The following ITGBL1 variants were observed in gnomAD, a reference collection of about 807,000 sequenced individuals.
ITGBL1 encodes the protein integrin beta-like protein 1.
ITGBL1 carries 51 observed loss-of-function variants against 68.5 expected under a neutral mutation model. The ratio of observed to expected loss-of-function variants is 0.74; its 90% confidence interval spans 0.59 to 0.94. ITGBL1 has a LOEUF of 0.94. Ranked by LOEUF, ITGBL1 falls within the 40% of genes least tolerant of loss-of-function variation. The pLI, the probability that ITGBL1 is intolerant of heterozygous loss-of-function variation, is 0.00. For missense variants in ITGBL1, 649 were observed against 647.4 expected (o/e 1.00, Z -0.03); for synonymous variants, 209 against 227.3 (o/e 0.92, Z 0.72).
intron 9 of ITGBL1, among the ~76,000 whole-genome samples, chr13:101,709,834 C>T (rs1277318104): frequency 6.6e-6 from 1 of 152,172 alleles, no homozygotes; most frequent in Non-Finnish European, 1.5e-5. Context: ...ACACACAAAG[C>T]CATACCCTCC....
chr13:101,546,186 T>C (rs914308558), intron 2 of ITGBL1, among the ~76,000 whole-genome samples: 1 of 152,144 alleles, frequency 6.6e-6, no homozygotes, highest in African/African-American at 2.4e-5. Context: ...TTTAATTCAA[T>C]AAAACTGTAA....
chr13:101,687,495 T>C (rs2033781931), intron 7 of ITGBL1, among the ~76,000 whole-genome samples: 1 of 151,996 alleles, frequency 6.6e-6, no homozygotes, highest in South Asian at 2.1e-4. Flanking sequence ...TTATAATTTG[T>C]CTATATTTTA....
intron 7 of ITGBL1, among the ~76,000 whole-genome samples, chr13:101,628,111 GT>G (rs1218791672): frequency 6.6e-6 from 1 of 152,196 alleles, no homozygotes; most frequent in Non-Finnish European, 1.5e-5. Flanking sequence ...AGTGTTGGGT[GT>G]TTTCAGTGTT....
At chr13:101,618,802 T>C (rs948975622) in intron 7 of ITGBL1, among the ~76,000 whole-genome samples, 2 of 152,182 alleles carry the variant, frequency 1.3e-5, no homozygotes, top group Admixed American at 6.5e-5. Context: ...GTTATAGTTT[T>C]ACTATGCTCT....
At position 101,632,119 on chromosome 13, in the gene ITGBL1, G is replaced by T. The variant is rs536726897; in HGVS notation, c.1015+33820G>T. Among the ~76,000 whole-genome samples the T allele has an allele frequency of 1.8e-4, 27 of 149,328 alleles. 2 individuals are homozygous for T. The South Asian group carries it at 5.3e-3, about 29-fold the overall frequency. On this transcript the variant is annotated intron_variant, in intron 7 of 10. Coordinates refer to ENST00000376180, the MANE Select transcript of ITGBL1 (RefSeq NM_004791.3). ...GAGAATGAAAAAGAAAGTCACACAT[G>T]GATAAAATATTCTCTCTCTCTCTCT... is the stretch of plus-strand genomic sequence containing the variant.
chr13:101,505,736 A>C (rs1347813220), intron 2 of ITGBL1, among the ~76,000 whole-genome samples: 1 of 150,776 alleles, frequency 6.6e-6, no homozygotes, highest in Non-Finnish European at 1.5e-5. Context: ...CTGAGAAACC[A>C]TCAATAGTCG....
At chr13:101,703,619 G>A (rs1037580379) in intron 8 of ITGBL1, among the ~76,000 whole-genome samples, 1 of 152,218 alleles carries the variant, frequency 6.6e-6, no homozygotes, top group Non-Finnish European at 1.5e-5. Context: ...GGTGATGTAA[G>A]TGGGAATGTT....
chr13:101,582,139 T>C (rs2050468403), intron 5 of ITGBL1, among the ~76,000 whole-genome samples: 1 of 152,226 alleles, frequency 6.6e-6, no homozygotes, highest in Non-Finnish European at 1.5e-5. Flanking sequence ...ATCCTTTATA[T>C]ATTCAATTCT....
intron 7 of ITGBL1, among the ~76,000 whole-genome samples, chr13:101,600,472 A>ATG (rs1453071154): frequency 2.2e-4 from 34 of 152,236 alleles, no homozygotes; most frequent in African/African-American, 8.2e-4. Context: ...TTCCAACACT[A>ATG]TGTTGAATAG....
intron 7 of ITGBL1, among the ~76,000 whole-genome samples, chr13:101,618,980 G>A (rs74450134): frequency 0.055 from 8,413 of 152,114 alleles, 290 homozygotes; most frequent in South Asian, 0.14. Context: ...GGGGGCAGGT[G>A]GGAATTGGGG....
At chr13:101,682,508 T>A (rs1190664658) in intron 7 of ITGBL1, among the ~76,000 whole-genome samples, 1 of 152,120 alleles carries the variant, frequency 6.6e-6, no homozygotes, top group Admixed American at 6.6e-5. Flanking sequence ...ATGAACACGG[T>A]AACTTTCCTA....
chr13:101,675,085 A>G (rs536137373), intron 7 of ITGBL1, among the ~76,000 whole-genome samples: 15 of 152,238 alleles, frequency 9.9e-5, no homozygotes, highest in African/African-American at 3.1e-4. Flanking sequence ...CTAATTTGAC[A>G]ATTTTTTTCA....
intron 7 of ITGBL1, among the ~76,000 whole-genome samples, chr13:101,606,366 TAG>T (rs1349385252): frequency 6.6e-6 from 1 of 151,562 alleles, no homozygotes; most frequent in African/African-American, 2.4e-5. Flanking sequence ...ATATTGGCTG[TAG>T]ATATATTTTC....
intron 2 of ITGBL1, among the ~76,000 whole-genome samples, chr13:101,484,788 G>T (rs2048677069): frequency 6.6e-6 from 1 of 151,952 alleles, no homozygotes; most frequent in Non-Finnish European, 1.5e-5. Flanking sequence ...ATTTGTGAAG[G>T]ACAGGAACTG....
At chr13:101,571,211 A>G (rs1322702734) in intron 3 of ITGBL1, among the ~76,000 whole-genome samples, 1 of 152,042 alleles carries the variant, frequency 6.6e-6, no homozygotes, top group East Asian at 1.9e-4. Context: ...GCTCAATCCT[A>G]TACTACATCT....
intron 2 of ITGBL1, among the ~76,000 whole-genome samples, chr13:101,493,982 T>C (rs992278400): frequency 6.6e-6 from 1 of 152,252 alleles, no homozygotes; most frequent in Non-Finnish European, 1.5e-5. Flanking sequence ...CAAGATCACA[T>C]ACTTAGGTTT....
chr13:101,463,109 G>A (rs1566685253), intron 2 of ITGBL1, among the ~76,000 whole-genome samples: 1 of 152,114 alleles, frequency 6.6e-6, no homozygotes, highest in South Asian at 2.1e-4. Context: ...ACATATGAGT[G>A]ATTAATAAAT....
At chr13:101,501,923 A>G (rs772773903) in intron 2 of ITGBL1, among the ~76,000 whole-genome samples, 4 of 152,158 alleles carry the variant, frequency 2.6e-5, no homozygotes, top group Non-Finnish European at 5.9e-5. Context: ...AAGATGGAGA[A>G]ATTGGGGACC....
At position 101,579,291 on chromosome 13, in the gene ITGBL1, T is replaced by A; in HGVS notation, c.591T>A (p.His197Gln). The change falls in exon 5 of 11, where the codon CAT becomes CAA. Residue 197 changes from histidine (H) to glutamine (Q), a missense_variant. His to Gln is a conservative substitution (Grantham distance 24, BLOSUM62 0). Transcript: ENST00000376180. ...DDETEEICGG[H>Q]GKCYCGNCYC... ...TAAAATTCATTTTGGGTAAAGGCCA[T>A]GGGAAGTGTTACTGTGGAAACTGCT... is the stretch of plus-strand genomic sequence containing the variant. 6.2e-7 allele frequency: 1 copy of A among 1,613,564 alleles called. No individual in the cohort carries two copies. Among genetic ancestry groups the A allele is most frequent in the Non-Finnish European group, 8.5e-7 (1 of 1,179,648 alleles).
Sources: allele counts gnomAD v4.1 joint callset (sites outside exome capture counted in the v4.1 genomes callset), GRCh38; gene constraint gnomAD v4.1.1; transcripts MANE v1.5; gene names NCBI Gene and HGNC (gene_info 2026-07-23, HGNC 2026-07-21).